The following HNRNPD variants were observed in gnomAD, a reference collection of about 807,000 sequenced individuals.
HNRNPD encodes the protein heterogeneous nuclear ribonucleoprotein D, also known as heterogeneous nuclear ribonucleoprotein D0.
Under a neutral mutation model 47.9 loss-of-function variants are expected in HNRNPD, and 3 were observed. That is an observed-to-expected ratio of 0.06 (90% CI 0.03 to 0.16). The LOEUF is 0.16. Among genes scored for constraint, HNRNPD ranks in the 10% least tolerant of loss-of-function variants. HNRNPD has a pLI of 1.00. For synonymous variants in HNRNPD, 171 were observed against 165.1 expected, an observed-to-expected ratio of 1.04 and a Z score of -0.28; for missense variants, 287 against 454.2, an observed-to-expected ratio of 0.63 and a Z score of 3.35.
At chr4:82,363,618 T>C (rs1173608779) in intron 2 of HNRNPD, among the ~76,000 whole-genome samples, 1 of 152,234 alleles carries the variant, frequency 6.6e-6, no homozygotes, top group African/African-American at 2.4e-5. Context: ...TAAACTTTGA[T>C]CCTTAGTTCT....
In HNRNPD at chr4:82,371,711, C is replaced by T. The variant is rs1720055114; in HGVS notation, c.234-127G>A. On this transcript the variant is annotated intron_variant, in intron 1 of 8. Transcript: ENST00000313899. The stretch of plus-strand genomic sequence containing the variant: ...GGTAACTATAAAGTCAGCTGCTTTG[C>T]GATTTGAATTATCAGGGCTAACAGA... The T allele has an allele frequency of 7.9e-6, 5 of 634,572 alleles. No individual in the cohort carries two copies. In the Admixed American group the frequency reaches 1.2e-4, roughly 15 times the overall value. 39.3% of individuals were successfully genotyped at this position (634,572 alleles called of 1,614,324 possible). A position where few individuals can be genotyped will look rare whatever the true frequency, so the allele number is the denominator to read the frequency against.
chr4:82,373,098 G>A (rs1467787201), intron 1 of HNRNPD: 1 of 522,600 alleles, frequency 1.9e-6, no homozygotes. Context: ...AGAGGGGACA[G>A]CATGGAAAGA....
chr4:82,370,970 T>C (rs757913153), intron 2 of HNRNPD, among the ~76,000 whole-genome samples: 1 of 76,422 alleles, frequency 1.3e-5, no homozygotes, highest in Non-Finnish European at 2.6e-5. Context: ...CACCTTTTAA[T>C]GGTATATATA....
intron 2 of HNRNPD, among the ~76,000 whole-genome samples, chr4:82,365,204 C>T (rs1719691511): frequency 6.6e-6 from 1 of 152,036 alleles, no homozygotes; most frequent in African/African-American, 2.4e-5. Flanking sequence ...TTAAACACTT[C>T]CTAACAACTT....
chr4:82,352,961 A>G lies in HNRNPD; in HGVS notation c.*1224T>C, dbSNP rs755679887. The G allele has an allele frequency of 6.6e-6, 1 of 152,206 alleles. No homozygotes were observed. Among genetic ancestry groups the G allele is most frequent in the Non-Finnish European group, 1.5e-5 (1 of 68,036 alleles). The allele number at this position is 152,206 out of a possible 1,614,324, so 9.4% of individuals were successfully genotyped here. ...TTTCTCATTTGTTACCTTTCTAATG[A>G]ACTATTCTGAGCAGTCTGAAGTAAC... On this transcript the variant is annotated 3_prime_UTR_variant, in exon 9 of 9. Coordinates refer to ENST00000313899, the MANE Select transcript of HNRNPD (RefSeq NM_031370.3).
chr4:82,358,571 G>C (rs892800486), intron 4 of HNRNPD, 88 bp downstream of exon 4: 1 of 1,226,544 alleles, frequency 8.2e-7, no homozygotes, highest in Non-Finnish European at 1.2e-6. Context: ...TAACAGCTTT[G>C]AAAAGCCAAG....
rs867522306 is a variant in HNRNPD, at chr4:82,373,055, T to A, written c.233+391A>T. 1.1e-5 allele frequency: 5 copies of A among 454,658 alleles called. No individual in the cohort carries two copies. The Middle Eastern group carries it at 9.8e-4, about 89-fold the overall frequency. The allele number at this position is 454,658 out of a possible 1,614,324, so 28.2% of individuals were successfully genotyped here. A position where few individuals can be genotyped will look rare whatever the true frequency, so the allele number is the denominator to read the frequency against. ...AACAGAGAAGCTGTTTGTGTCTGTG[T>A]TTTTATGCCCAAGACTGTAGAAAAA... is the stretch of plus-strand genomic sequence containing the variant. On this transcript the variant is annotated intron_variant, in intron 1 of 8. Coordinates refer to ENST00000313899, the MANE Select transcript of HNRNPD (RefSeq NM_031370.3).
At chr4:82,360,362 C>T (rs1723910490) in intron 2 of HNRNPD, among the ~76,000 whole-genome samples, 1 of 151,552 alleles carries the variant, frequency 6.6e-6, no homozygotes, top group South Asian at 2.1e-4. Flanking sequence ...ACTCTAAGAC[C>T]AAACGTATAT....
At chr4:82,355,585 G>GGCA (rs1723680825) in intron 7 of HNRNPD, 184 bp from the exon 8 acceptor site, 1 of 582,450 alleles carries the variant, frequency 1.7e-6, no homozygotes, top group South Asian at 2.3e-5. Context: ...TACAATGGCA[G>GGCA]GCATTCAGAA....
intron 2 of HNRNPD, among the ~76,000 whole-genome samples, chr4:82,371,104 A>T (rs1456266004): frequency 1.3e-5 from 2 of 152,220 alleles, no homozygotes; most frequent in African/African-American, 4.8e-5. Context: ...ACATCTCCAG[A>T]ATATTTCAGT....
At chr4:82,357,570 G>C (rs373696509) in intron 4 of HNRNPD, 126 bp from the exon 5 acceptor site, 3 of 704,634 alleles carry the variant, frequency 4.3e-6, no homozygotes, top group Non-Finnish European at 4.5e-6. Context: ...CTAGTCTCCT[G>C]TTTCTCCCTA....
chr4:82,369,545 G>A (rs1353846644), intron 2 of HNRNPD, among the ~76,000 whole-genome samples: 10 of 148,996 alleles, frequency 6.7e-5, no homozygotes, highest in Non-Finnish European at 1.3e-4. Flanking sequence ...AATGCACACA[G>A]AACTGTGTTT....
rs997638832 is a variant in HNRNPD at position 82,373,544 on chromosome 4, G to A, written c.135C>T (p.Ala45=). The part of the protein sequence containing the change: ...QGAAAAAGSG[A]GTGGGTASGG... ...CAGACGCGGTTCCGCCCCCGGTCCC[G>A]GCTCCGCTTCCCGCCGCCGCCGCTG... is the stretch of plus-strand genomic sequence containing the variant. Residue 45 remains alanine (A), a synonymous_variant, in exon 1 of 9, where the codon GCC becomes GCT. Transcript: ENST00000313899. 1.3e-5 allele frequency: 20 copies of A among 1,538,990 alleles called. No homozygotes were observed. The highest frequency in any genetic ancestry group is 1.5e-5 in the Non-Finnish European group (17 of 1,142,706).
intron 2 of HNRNPD, among the ~76,000 whole-genome samples, chr4:82,367,477 T>C (rs763517564): frequency 2.6e-5 from 4 of 152,222 alleles, no homozygotes; most frequent in Non-Finnish European, 5.9e-5. Context: ...TTTTCAAAAG[T>C]GTAAGGAAAA....
chr4:82,363,482 T>C (rs917447256), intron 2 of HNRNPD, among the ~76,000 whole-genome samples: 2 of 152,192 alleles, frequency 1.3e-5, no homozygotes, highest in Non-Finnish European at 2.9e-5. Flanking sequence ...CTGTCACTCC[T>C]GCGTAGTGCA....
chr4:82,360,841 T>C (rs112708868), intron 2 of HNRNPD, among the ~76,000 whole-genome samples: 5,148 of 152,312 alleles, frequency 0.034, 126 homozygotes, highest in Middle Eastern at 0.068. Flanking sequence ...TCCTCCAAGA[T>C]ACCTGATTAA....
At chr4:82,362,959 T>G (rs1392808247) in intron 2 of HNRNPD, among the ~76,000 whole-genome samples, 1 of 152,114 alleles carries the variant, frequency 6.6e-6, no homozygotes, top group Admixed American at 6.5e-5. Context: ...TATGGATAAA[T>G]GGGCACTTAG....
intron 2 of HNRNPD, among the ~76,000 whole-genome samples, chr4:82,363,877 G>A (rs1719613028): frequency 6.6e-6 from 1 of 152,224 alleles, no homozygotes; most frequent in Admixed American, 6.5e-5. Flanking sequence ...GTGATATGCA[G>A]TATCATTCAG....
chr4:82,373,248 G>A (rs1027460244), intron 1 of HNRNPD, 198 bp downstream of exon 1: 17 of 757,486 alleles, frequency 2.2e-5, no homozygotes, highest in Non-Finnish European at 3.6e-5. Context: ...TGATGGGGGA[G>A]GGGGGCGATA....
Sources: gnomAD v4.1 joint callset for allele counts (sites outside exome capture counted in the v4.1 genomes callset) on GRCh38, gnomAD v4.1.1 for gene constraint, MANE v1.5 for transcripts, NCBI Gene and HGNC (gene_info 2026-07-23, HGNC 2026-07-21) for gene names.